TSC22D2: variants seen among roughly 807,000 people sequenced by gnomAD.
TSC22D2 encodes TSC22 domain family protein 2.
A neutral mutation model predicts 50.1 loss-of-function variants in TSC22D2; 5 were observed. The ratio of observed to expected loss-of-function variants is 0.10; its 90% CI spans 0.05 to 0.21. TSC22D2 has a LOEUF of 0.21. Among genes scored for constraint, TSC22D2 ranks in the 10% least tolerant of loss-of-function variants. The pLI is 1.00. For synonymous variants in TSC22D2, 501 were observed against 450.1 expected (o/e 1.11, Z -1.43); for missense variants, 1,003 against 1,015.5 (o/e 0.99, Z 0.17).
chr3:150,431,624 G>GA (rs1720383836), intron 1 of TSC22D2, among the ~76,000 whole-genome samples: 1 of 152,038 alleles, frequency 6.6e-6, no homozygotes, highest in African/African-American at 2.4e-5. Flanking sequence ...AAAATACTAG[G>GA]AAAAAAATGT....
At chr3:150,433,258 T>C (rs1720435955) in intron 1 of TSC22D2, among the ~76,000 whole-genome samples, 1 of 152,206 alleles carries the variant, frequency 6.6e-6, no homozygotes, top group Non-Finnish European at 1.5e-5. Flanking sequence ...TGTGTGATAT[T>C]TGGCCCAAAA....
At position 150,445,094 on chromosome 3, in the gene TSC22D2, A is replaced by C. The variant is rs543406597; in HGVS notation, c.1959-11982A>C. Among the ~76,000 whole-genome samples the C allele has an allele frequency of 8.0e-4, 121 of 152,016 alleles. 1 individual carries two copies. Among genetic ancestry groups the C allele is most frequent in the Non-Finnish European group, 1.5e-3 (103 of 67,976 alleles). Reference sequence around the variant, plus strand: ...GTTATATTTCAGTGGGCTTTGGAAAAATTTCCCACAGTAAGTTAAGATTAT... The same window carrying C: ...GTTATATTTCAGTGGGCTTTGGAAACATTTCCCACAGTAAGTTAAGATTAT... On this transcript the variant is annotated intron_variant, in intron 1 of 2. Transcript: ENST00000688009.
intron 1 of TSC22D2, among the ~76,000 whole-genome samples, chr3:150,447,130 T>C (rs1214555740): frequency 6.6e-6 from 1 of 152,132 alleles, no homozygotes; most frequent in Non-Finnish European, 1.5e-5. Context: ...GAAATGGGAT[T>C]GAGAAGATAT....
intron 1 of TSC22D2, among the ~76,000 whole-genome samples, chr3:150,453,078 A>G (rs1009051858): frequency 6.6e-6 from 1 of 152,194 alleles, no homozygotes; most frequent in Non-Finnish European, 1.5e-5. Flanking sequence ...GTATGTATCT[A>G]TACATACACA....
At chr3:150,425,422 A>G (rs1720148060) in intron 1 of TSC22D2, among the ~76,000 whole-genome samples, 1 of 152,192 alleles carries the variant, frequency 6.6e-6, no homozygotes, top group African/African-American at 2.4e-5. Flanking sequence ...AGGCCAAGGC[A>G]GGAGAATTGC....
In TSC22D2 at chr3:150,408,450, C is replaced by G. The variant is rs1252417032; in HGVS notation, c.-901C>G. ...TTCGGGGTTTAGGAATTGGGCGCACCGAGGAGGAGCCGGAGAAGCCACCAC... is the reference window on the plus strand; with the variant it reads ...TTCGGGGTTTAGGAATTGGGCGCACGGAGGAGGAGCCGGAGAAGCCACCAC... On this transcript the variant is annotated 5_prime_UTR_variant, in exon 1 of 3. Coordinates refer to ENST00000688009, the MANE Select transcript of TSC22D2 (RefSeq NM_001303264.2). 3.3e-5 allele frequency: 5 copies of G among 152,454 alleles called. No homozygotes were observed. The highest frequency in any genetic ancestry group is 5.9e-5 in the Non-Finnish European group (4 of 68,194). The allele number at this position is 152,454 out of a possible 1,614,324, so 9.4% of individuals were successfully genotyped here. A position where few individuals can be genotyped will look rare whatever the true frequency, so the allele number is the denominator to read the frequency against.
chr3:150,415,366 G>A (rs1208432597), intron 1 of TSC22D2, among the ~76,000 whole-genome samples: 1 of 152,156 alleles, frequency 6.6e-6, no homozygotes, highest in Non-Finnish European at 1.5e-5. Context: ...ATTTCCAGCT[G>A]ACTATTTTAG....
Position 150,411,196 on chromosome 3 carries a change from G to C in TSC22D2, c.1846G>C (p.Val616Leu), listed in dbSNP as rs762702541. Residue 616 changes from valine (V) to leucine (L), a missense_variant, in exon 1 of 3, where the codon GTG (valine) becomes CTG (leucine). Val to Leu is a conservative substitution (Grantham distance 32). Transcript: ENST00000688009. ...LSLIAENKPV[V>L]KPPVADSLAN... ...TCTCATTGCTGAAAATAAGCCTGTT[G>C]TGAAGCCGCCTGTTGCAGATTCCCT... The C allele has an allele frequency of 1.2e-6, 2 of 1,614,086 alleles. No homozygotes were observed. Among genetic ancestry groups the C allele is most frequent in the Non-Finnish European group, 1.7e-6 (2 of 1,180,046 alleles).
intron 1 of TSC22D2, among the ~76,000 whole-genome samples, chr3:150,435,523 G>A (rs1441829256): frequency 6.6e-6 from 1 of 152,060 alleles, no homozygotes; most frequent in East Asian, 1.9e-4. Context: ...ATCATGGCTA[G>A]GATTTCTCCA....
chr3:150,428,788 A>G (rs989867842), intron 1 of TSC22D2, among the ~76,000 whole-genome samples: 2 of 152,158 alleles, frequency 1.3e-5, no homozygotes, highest in African/African-American at 4.8e-5. Flanking sequence ...AAATTTCTTT[A>G]TACTCTATTT....
intron 1 of TSC22D2, chr3:150,423,201 A>G (rs1159972619): frequency 9.7e-7 from 1 of 1,028,212 alleles, no homozygotes; most frequent in Non-Finnish European, 1.4e-6. Flanking sequence ...TTCTCATTAA[A>G]ACTGATCTTT....
In TSC22D2 at chr3:150,409,174, A is replaced by T; in HGVS notation, c.-177A>T. On this transcript the variant is annotated 5_prime_UTR_variant, in exon 1 of 3. Transcript: ENST00000688009. The surrounding 1 kb of genome is among the most constrained non-coding windows in gnomAD (Gnocchi z 7.4). Reference sequence around the variant, plus strand: ...CGACACAGAGAAGGAAACGAGGAGGAGGATGTCTCACCGGGCGGCCAGCGC... The same window carrying T: ...CGACACAGAGAAGGAAACGAGGAGGTGGATGTCTCACCGGGCGGCCAGCGC... The T allele has an allele frequency of 1.7e-6, 1 of 577,112 alleles. No individual in the cohort carries two copies. Among genetic ancestry groups the T allele is most frequent in the Non-Finnish European group, 3.0e-6 (1 of 336,496 alleles). 35.7% of individuals were successfully genotyped at this position (577,112 alleles called of 1,614,324 possible).
intron 1 of TSC22D2, among the ~76,000 whole-genome samples, chr3:150,415,481 A>T (rs1374091384): frequency 6.6e-6 from 1 of 152,220 alleles, no homozygotes; most frequent in African/African-American, 2.4e-5. Flanking sequence ...TATGTCCTCT[A>T]CTTCCTGAGA....
At position 150,457,405 on chromosome 3, in the gene TSC22D2, A is replaced by G. The variant is rs1055919239; in HGVS notation, c.2010+278A>G. ...GGGGGCATACATATTTAAAGACAAT[A>G]TGTTCCCCAGATATTTCAGCATTGA... On this transcript the variant is annotated intron_variant, in intron 2 of 2. Transcript: ENST00000688009. Among the ~76,000 whole-genome samples, 4 of 152,200 alleles carry G rather than the reference A, an allele frequency of 2.6e-5. No individual in the cohort carries two copies. In the South Asian group the frequency reaches 6.2e-4, roughly 24 times the overall value.
At chr3:150,420,439 A>G (rs1385328942) in intron 1 of TSC22D2, among the ~76,000 whole-genome samples, 1 of 152,244 alleles carries the variant, frequency 6.6e-6, no homozygotes, top group Non-Finnish European at 1.5e-5. Flanking sequence ...GTAACTGTGT[A>G]CTATAGAAAA....
intron 1 of TSC22D2, among the ~76,000 whole-genome samples, chr3:150,436,458 T>G (rs1720547261): frequency 6.6e-6 from 1 of 152,160 alleles, no homozygotes; most frequent in Non-Finnish European, 1.5e-5. Context: ...ACCAGCATTA[T>G]AGATAAGTAT....
chr3:150,440,043 A>G (rs937085102), intron 1 of TSC22D2, among the ~76,000 whole-genome samples: 3 of 152,186 alleles, frequency 2.0e-5, no homozygotes, highest in African/African-American at 7.2e-5. Flanking sequence ...AATTTTCACA[A>G]AGTCATATAT....
Position 150,410,754 on chromosome 3 carries a change from G to A in TSC22D2, c.1404G>A (p.Pro468=), listed in dbSNP as rs759976526. Residue 468 remains proline, a synonymous_variant, in exon 1 of 3, where the codon CCG becomes CCA. Coordinates refer to ENST00000688009, the MANE Select transcript of TSC22D2 (RefSeq NM_001303264.2). ...PPATVGGVVQ[P]CLGPAGAGQP... ...CTACTGTGGGAGGCGTGGTGCAGCCGTGCCTCGGTCCTGCCGGGGCTGGGC... is the reference window on the plus strand; with the variant it reads ...CTACTGTGGGAGGCGTGGTGCAGCCATGCCTCGGTCCTGCCGGGGCTGGGC... 9 of 1,607,354 alleles carry A rather than the reference G, an allele frequency of 5.6e-6. No individual in the cohort carries two copies. Among genetic ancestry groups the A allele is most frequent in the Non-Finnish European group, 7.6e-6 (9 of 1,177,516 alleles).
At position 150,410,213 on chromosome 3, in the gene TSC22D2, G is replaced by C. The variant is rs576738044; in HGVS notation, c.863G>C (p.Ser288Thr). The change falls in exon 1 of 3, where the codon AGC becomes ACC. Residue 288 changes from serine (S) to threonine (T), a missense_variant. By Grantham distance (58) the Ser-to-Thr change is moderately conservative. Around this residue, in one of 6 missense-constraint regions of TSC22D2, gnomAD observed 696 missense variants for 647.8 expected, o/e 1.07. Transcript: ENST00000688009. ...PPPVGGAVAQ[S>T]SAPLPPFPGA... is the part of the protein sequence containing the mutation. ...CCCGTAGGTGGGGCTGTGGCTCAAA[G>C]CTCGGCTCCGCTGCCGCCGTTCCCG... is the stretch of plus-strand genomic sequence containing the variant. 2.2e-4 allele frequency: 342 copies of C among 1,583,040 alleles called. 3 individuals carry two copies. In the South Asian group the frequency reaches 2.8e-3, roughly 13 times the overall value.
Sources: allele counts gnomAD v4.1 joint callset (sites outside exome capture counted in the v4.1 genomes callset), GRCh38; gene constraint gnomAD v4.1.1; regional missense constraint gnomAD v4.1.1; non-coding constraint Gnocchi (gnomAD v3.1); transcripts MANE v1.5; gene names NCBI Gene and HGNC (gene_info 2026-07-23, HGNC 2026-07-21).